WASL: variants seen among roughly 807,000 people sequenced by gnomAD.
WASL encodes WASP like actin nucleation promoting factor.
In WASL, 20 loss-of-function variants were observed where a neutral mutation model predicts 55.5. The ratio of observed to expected loss-of-function variants is 0.36; its 90% CI spans 0.25 to 0.52. The LOEUF (loss-of-function observed/expected upper bound fraction) is 0.52. Among genes scored for constraint, WASL ranks in the 20% least tolerant of loss-of-function variants. The pLI is 0.92. For missense variants in WASL, 504 were observed against 622.5 expected (o/e 0.81, Z 2.03); for synonymous variants, 249 against 217.6 (o/e 1.14, Z -1.27).
chr7:123,694,707 A>G lies in WASL; in HGVS notation c.826+8T>C, dbSNP rs755216139. ...CAAAACAGAACGCTGAATAGAGATAAAAGTTACCTTGCCTCCGCAGTTCAT... is the reference window on the plus strand; with the variant it reads ...CAAAACAGAACGCTGAATAGAGATAGAAGTTACCTTGCCTCCGCAGTTCAT... On this transcript the variant is annotated splice_region_variant and intron_variant, in intron 8 of 10. Coordinates refer to ENST00000223023, the MANE Select transcript of WASL (RefSeq NM_003941.4). The G allele has an allele frequency of 6.2e-7, 1 of 1,612,022 alleles. No homozygotes were observed. Among genetic ancestry groups the G allele is most frequent in the Non-Finnish European group, 8.5e-7 (1 of 1,179,364 alleles).
intron 5 of WASL, among the ~76,000 whole-genome samples, chr7:123,697,200 A>C (rs1318831054): frequency 1.3e-5 from 2 of 152,218 alleles, no homozygotes; most frequent in Non-Finnish European, 2.9e-5. Context: ...TTAGTCAAGA[A>C]GAAAAAGGGT....
chr7:123,725,123 T>C (rs368607892), intron 1 of WASL, among the ~76,000 whole-genome samples: 4 of 152,348 alleles, frequency 2.6e-5, no homozygotes, highest in Admixed American at 6.5e-5. Flanking sequence ...ACAACAAGGC[T>C]GTAAGTCAGA....
At position 123,748,763 on chromosome 7, in the gene WASL, G is replaced by A; in HGVS notation, c.-29C>T. ...TTCGCCGGCGGGGTTGGGAGTCCAG[G>A]GCCGTCTCCTCCGGCGAGTGGGCGA... On this transcript the variant is annotated 5_prime_UTR_variant, in exon 1 of 11. Coordinates refer to ENST00000223023, the MANE Select transcript of WASL (RefSeq NM_003941.4). The A allele has an allele frequency of 6.6e-7, 1 of 1,525,454 alleles. No homozygotes were observed. The highest frequency in any genetic ancestry group is 8.8e-7 in the Non-Finnish European group (1 of 1,135,782). 94.5% of individuals were successfully genotyped at this position (1,525,454 alleles called of 1,614,324 possible).
intron 1 of WASL, among the ~76,000 whole-genome samples, chr7:123,731,412 A>G (rs544336545): frequency 6.6e-6 from 1 of 152,320 alleles, no homozygotes; most frequent in Non-Finnish European, 1.5e-5. Context: ...GTGGGCAAAA[A>G]ATCAGGAAGG....
At chr7:123,718,057 GA>G (rs1803874748) in intron 1 of WASL, among the ~76,000 whole-genome samples, 3 of 151,406 alleles carry the variant, frequency 2.0e-5, no homozygotes, top group Admixed American at 6.6e-5. Context: ...ACAATAGGTA[GA>G]AAAAAAGTAC....
chr7:123,731,601 A>G (rs756631236), intron 1 of WASL, among the ~76,000 whole-genome samples: 1 of 152,192 alleles, frequency 6.6e-6, no homozygotes, highest in Non-Finnish European at 1.5e-5. Context: ...AAATCACACA[A>G]AGTATGCTCT....
Position 123,736,240 on chromosome 7 carries a change from A to G in WASL, c.117+12378T>C, listed in dbSNP as rs114647866. Reference sequence around the variant, plus strand: ...AAGTTATATCAACCTGAAAGAATTTATAAGTAGAAGACCTGCATTACAAGA... The same window carrying G: ...AAGTTATATCAACCTGAAAGAATTTGTAAGTAGAAGACCTGCATTACAAGA... On this transcript the variant is annotated intron_variant, in intron 1 of 10. Coordinates refer to ENST00000223023, the MANE Select transcript of WASL (RefSeq NM_003941.4). Among the ~76,000 whole-genome samples, 1,234 of 152,282 alleles carry G rather than the reference A, an allele frequency of 8.1e-3. 20 individuals are homozygous for G. Among genetic ancestry groups the G allele is most frequent in the African/African-American group, 0.028 (1,143 of 41,562 alleles).
intron 1 of WASL, among the ~76,000 whole-genome samples, chr7:123,738,134 T>C (rs1202081407): frequency 6.6e-6 from 1 of 151,952 alleles, no homozygotes; most frequent in Non-Finnish European, 1.5e-5. Context: ...AGTGTGAGAC[T>C]GTCTACAGGG....
At position 123,748,751 on chromosome 7, in the gene WASL, TTGGGAGTCCAGGGCCGTC is replaced by T; in HGVS notation, c.-35_-18del. ...GGAGCTCATGGTTTCGCCGGCGGGG[TTGGGAGTCCAGGGCCGTC>T]TCCTCCGGCGAGTGGGCGAGAGCTC... On this transcript the variant is annotated 5_prime_UTR_variant, in exon 1 of 11. Coordinates refer to ENST00000223023, the MANE Select transcript of WASL (RefSeq NM_003941.4). 4 of 1,553,430 alleles carry T rather than the reference TTGGGAGTCCAGGGCCGTC, an allele frequency of 2.6e-6. No individual in the cohort carries two copies. Among genetic ancestry groups the T allele is most frequent in the Non-Finnish European group, 3.5e-6 (4 of 1,152,886 alleles).
chr7:123,687,896 G>A (rs1803321542), intron 10 of WASL, among the ~76,000 whole-genome samples: 1 of 152,086 alleles, frequency 6.6e-6, no homozygotes, highest in African/African-American at 2.4e-5. Context: ...TCCTTACAGA[G>A]AAACAAAAGG....
intron 2 of WASL, among the ~76,000 whole-genome samples, chr7:123,707,591 A>G (rs1803691200): frequency 6.6e-6 from 1 of 152,234 alleles, no homozygotes; most frequent in Non-Finnish European, 1.5e-5. Context: ...CAGAAATGCA[A>G]GGTTCTACCT....
Position 123,709,085 on chromosome 7 carries a change from T to A in WASL, c.252+4A>T. 1 of 1,595,916 alleles carries A rather than the reference T, an allele frequency of 6.3e-7. No homozygotes were observed. The highest frequency in any genetic ancestry group is 8.5e-7 in the Non-Finnish European group (1 of 1,172,288). On this transcript the variant is annotated splice_donor_region_variant and intron_variant, in intron 2 of 10. Transcript: ENST00000223023. ...GTTTAAAGTGAAAGCAAAACAAAAC[T>A]CACCTTAATGTCAAATATTCTTAAA...
In WASL at chr7:123,706,405, C is replaced by T. The variant is rs370272780; in HGVS notation, c.340-32G>A. The T allele has an allele frequency of 4.1e-4, 647 of 1,572,550 alleles. 11 individuals are homozygous for T. In the South Asian group the frequency reaches 6.4e-3, roughly 16 times the overall value. On this transcript the variant is annotated intron_variant, in intron 3 of 10. Transcript: ENST00000223023. Reference sequence around the variant, plus strand: ...TATTTTCATCACAAAGGGGAAACAACAGAATGTATGAATTTAGCTTTATAT... The same window carrying T: ...TATTTTCATCACAAAGGGGAAACAATAGAATGTATGAATTTAGCTTTATAT...
intron 1 of WASL, among the ~76,000 whole-genome samples, chr7:123,729,049 T>A (rs566248440): frequency 9.2e-5 from 14 of 152,282 alleles, no homozygotes; most frequent in South Asian, 8.3e-4. Flanking sequence ...GGTTTATAGA[T>A]GATTTGCACT....
At chr7:123,698,779 G>A (rs1483053034) in intron 5 of WASL, among the ~76,000 whole-genome samples, 3 of 152,144 alleles carry the variant, frequency 2.0e-5, no homozygotes, top group African/African-American at 7.2e-5. Flanking sequence ...AGGGTGATTA[G>A]GATGTGAATT....
chr7:123,696,106 T>C (rs1184639154), intron 6 of WASL, among the ~76,000 whole-genome samples: 1 of 152,056 alleles, frequency 6.6e-6, no homozygotes, highest in African/African-American at 2.4e-5. Context: ...TGAGCATCTA[T>C]TTCCTTAATT....
intron 1 of WASL, among the ~76,000 whole-genome samples, chr7:123,733,866 G>C (rs1041535875): frequency 2.3e-5 from 3 of 128,340 alleles, no homozygotes; most frequent in African/African-American, 8.9e-5. Flanking sequence ...ATAAAGAACT[G>C]ATAATAATCT....
intron 1 of WASL, among the ~76,000 whole-genome samples, chr7:123,746,177 TG>T (rs1804427784): frequency 6.6e-6 from 1 of 152,220 alleles, no homozygotes. Flanking sequence ...TCTGAAGCAC[TG>T]ACTTATCAGT....
intron 1 of WASL, among the ~76,000 whole-genome samples, chr7:123,727,911 C>G (rs527245329): frequency 2.6e-5 from 4 of 152,254 alleles, no homozygotes; most frequent in African/African-American, 9.6e-5. Flanking sequence ...GTTTGACGCA[C>G]TTCATTTCAT....
Sources: allele counts gnomAD v4.1 joint callset (sites outside exome capture counted in the v4.1 genomes callset), GRCh38; gene constraint gnomAD v4.1.1; transcripts MANE v1.5; gene names NCBI Gene and HGNC (gene_info 2026-07-23, HGNC 2026-07-21).